The following ESPN variants were observed in gnomAD, a reference collection of about 807,000 sequenced individuals.
ESPN encodes autosomal recessive deafness type 36 protein.
ESPN carries 68 observed loss-of-function variants against 77.7 expected under a neutral mutation model. The ratio of observed to expected loss-of-function variants is 0.87; its 90% CI spans 0.72 to 1.07. ESPN has a LOEUF of 1.07. Among genes scored for constraint, ESPN ranks in the 50% least tolerant of loss-of-function variants. The pLI is 0.00. For missense variants in ESPN, 1,060 were observed against 1,239.0 expected, an observed-to-expected ratio of 0.86 and a Z score of 2.17; for synonymous variants, 449 against 567.1, an observed-to-expected ratio of 0.79 and a Z score of 2.96.
chr1:6,424,991 G>A lies in ESPN; in HGVS notation c.36G>A (p.Gln12=). ...AGCAGGCGCTGCAGGCGGCGCGGCA[G>A]GGCGAGCTGGACGTGCTGAGGTCGC... is the stretch of plus-strand genomic sequence containing the variant. ...ALEQALQAAR[Q]GELDVLRSLH... The change falls in exon 1 of 13, where the codon CAG becomes CAA. Residue 12 remains glutamine, a synonymous_variant. Transcript: ENST00000645284. 6.8e-7 allele frequency: 1 copy of A among 1,460,726 alleles called. No homozygotes were observed. 90.5% of individuals were successfully genotyped at this position (1,460,726 alleles called of 1,614,324 possible).
chr1:6,460,335 C>G lies in ESPN; in HGVS notation c.*189C>G. The G allele has an allele frequency of 1.5e-6, 1 of 685,478 alleles. No homozygotes were observed. The highest frequency in any genetic ancestry group is 2.4e-6 in the Non-Finnish European group (1 of 415,068). The allele number at this position is 685,478 out of a possible 1,614,324, so 42.5% of individuals were successfully genotyped here. ...GGCAACACTGGAGTGCACACGCCGC[C>G]ACGGTTGCCCAGAAAAAGTGCCCAA... is the stretch of plus-strand genomic sequence containing the variant. On this transcript the variant is annotated 3_prime_UTR_variant, in exon 13 of 13. Transcript: ENST00000645284.
At chr1:6,433,922 T>C (rs1030664155) in intron 2 of ESPN, among the ~76,000 whole-genome samples, 4 of 152,158 alleles carry the variant, frequency 2.6e-5, no homozygotes, top group Admixed American at 1.3e-4. Context: ...CCCTTTTTCT[T>C]TGAGACTTGA....
In ESPN at chr1:6,440,713, G is replaced by C; in HGVS notation, c.763G>C (p.Val255Leu). The part of the protein sequence containing the change: ...HFAASRGHTK[V>L]LSWLLLHGGE... ...CGCGGCGAGCCGCGGCCACACCAAG[G>C]TGCTCAGCTGGCTGCTGCTGCACGG... The change falls in exon 4 of 13, where the codon GTG (valine) becomes CTG (leucine). Residue 255 changes from valine to leucine, a missense_variant. Physicochemically the swap from Val to Leu is conservative, Grantham distance 32. Transcript: ENST00000645284. The C allele has an allele frequency of 6.5e-7, 1 of 1,547,162 alleles. No individual in the cohort carries two copies. Among genetic ancestry groups the C allele is most frequent in the Non-Finnish European group, 8.7e-7 (1 of 1,155,516 alleles).
Position 6,460,063 on chromosome 1 carries a change from C to T in ESPN, c.2482C>T (p.Arg828Trp), listed in dbSNP as rs755403652. ...RREKEQSEKL[R>W]TLGYDESKLA... ...GGAGAAGGAACAGTCAGAGAAGCTG[C>T]GGACGCTGGGCTACGATGAGAGCAA... The change falls in exon 13 of 13, where the codon CGG becomes TGG. Residue 828 changes from arginine to tryptophan, a missense_variant. Around this residue, in one of 3 missense-constraint regions of ESPN, gnomAD observed 374 missense variants for 381.4 expected, o/e 0.98. Transcript: ENST00000645284. The T allele has an allele frequency of 1.9e-6, 3 of 1,613,414 alleles. No homozygotes were observed. Among genetic ancestry groups the T allele is most frequent in the Admixed American group, 1.7e-5 (1 of 60,002 alleles).
Position 6,460,339 on chromosome 1 carries a change from G to A in ESPN, c.*193G>A. The stretch of plus-strand genomic sequence containing the variant: ...ACACTGGAGTGCACACGCCGCCACG[G>A]TTGCCCAGAAAAAGTGCCCAAGCTG... On this transcript the variant is annotated 3_prime_UTR_variant, in exon 13 of 13. Transcript: ENST00000645284. The A allele has an allele frequency of 1.5e-6, 1 of 676,526 alleles. No individual in the cohort carries two copies. The highest frequency in any genetic ancestry group is 2.1e-5 in the South Asian group (1 of 47,170). 41.9% of individuals were successfully genotyped at this position (676,526 alleles called of 1,614,324 possible).
In ESPN at chr1:6,445,884, G is replaced by T; in HGVS notation, c.1413G>T (p.Met471Ile). ...GACCACAGGCAGCTGACATCTACAT[G>T]CAGACCAAGAACAAACTCCGCCACG... ...PVGPQAADIY[M>I]QTKNKLRHVE... The change falls in exon 7 of 13, where the codon ATG (methionine) becomes ATT (isoleucine). Residue 471 changes from methionine (M) to isoleucine (I), a missense_variant. Met to Ile is a conservative substitution (Grantham distance 10). Around this residue, in one of 3 missense-constraint regions of ESPN, gnomAD observed 130 missense variants for 223.9 expected, o/e 0.58. Coordinates refer to ENST00000645284, the MANE Select transcript of ESPN (RefSeq NM_031475.3). The T allele has an allele frequency of 1.9e-6, 3 of 1,611,750 alleles. No homozygotes were observed. The highest frequency in any genetic ancestry group is 2.5e-6 in the Non-Finnish European group (3 of 1,179,580).
intron 2 of ESPN, among the ~76,000 whole-genome samples, chr1:6,433,137 A>AGAAAAC (rs1343487853): frequency 1.6e-4 from 23 of 143,978 alleles, no homozygotes; most frequent in Admixed American, 1.5e-3. Context: ...AAAAGAAAAA[A>AGAAAAC]GAAAAGAAAA....
intron 2 of ESPN, among the ~76,000 whole-genome samples, chr1:6,438,375 A>T (rs939640173): frequency 6.6e-5 from 10 of 152,252 alleles, no homozygotes; most frequent in African/African-American, 1.9e-4. Flanking sequence ...CTTCTCAGGC[A>T]CTCTGCACAA....
chr1:6,428,443 TCC>T lies in ESPN; in HGVS notation c.488+25_488+26del. On this transcript the variant is annotated intron_variant, in intron 2 of 12. Transcript: ENST00000645284. The surrounding 1 kb of genome is among the most constrained non-coding windows in gnomAD (Gnocchi z 5.4). ...GAGTAAGATCACCCCTCTTAAGGGG[TCC>T]TCTGGGTGGGCTGGGCCAGGGCTTT... 6.3e-7 allele frequency: 1 copy of T among 1,587,648 alleles called. No individual in the cohort carries two copies. The highest frequency in any genetic ancestry group is 8.6e-7 in the Non-Finnish European group (1 of 1,162,932).
At chr1:6,434,075 GTAT>G (rs1308217504) in intron 2 of ESPN, among the ~76,000 whole-genome samples, 1 of 152,164 alleles carries the variant, frequency 6.6e-6, no homozygotes, top group Non-Finnish European at 1.5e-5. Context: ...GCTAATTTTT[GTAT>G]TATTAGTAGA....
chr1:6,439,238 AC>A (rs1643536177), intron 2 of ESPN, among the ~76,000 whole-genome samples: 1 of 152,126 alleles, frequency 6.6e-6, no homozygotes, highest in East Asian at 1.9e-4. Flanking sequence ...CAACAACCAA[AC>A]CCAGGACGTT....
At chr1:6,449,203 A>G (rs878904582) in intron 8 of ESPN, 112 bp downstream of exon 8, 3 of 1,125,254 alleles carry the variant, frequency 2.7e-6, no homozygotes, top group East Asian at 3.3e-5. Flanking sequence ...CCTCTTCTAC[A>G]TGGTCTTCCG....
intron 1 of ESPN, 122 bp downstream of exon 1, chr1:6,425,371 G>T: frequency 8.0e-7 from 1 of 1,246,152 alleles, no homozygotes; most frequent in Non-Finnish European, 1.1e-6. Flanking sequence ...GCTGAACCCT[G>T]CACGGAGCTC....
rs1643926628 is a variant in ESPN at position 6,450,561 on chromosome 1, T to TGAG, written c.1916-1039_1916-1037dup. 1.5e-6 allele frequency: 1 copy of TGAG among 659,210 alleles called. No homozygotes were observed. The highest frequency in any genetic ancestry group is 2.0e-5 in the African/African-American group (1 of 50,462). The allele number at this position is 659,210 out of a possible 1,614,324, so 40.8% of individuals were successfully genotyped here. A position where few individuals can be genotyped will look rare whatever the true frequency, so the allele number is the denominator to read the frequency against. On this transcript the variant is annotated intron_variant, in intron 8 of 12. Coordinates refer to ENST00000645284, the MANE Select transcript of ESPN (RefSeq NM_031475.3). The surrounding 1 kb of genome is among the most constrained non-coding windows in gnomAD (Gnocchi z 4.3). ...AAGCAAGGCAGAAGGGGCCCAGACT[T>TGAG]GAGGAAAGGGCAGGGGCAGGGGCTG...
intron 6 of ESPN, among the ~76,000 whole-genome samples, chr1:6,445,216 C>T (rs918504611): frequency 7.9e-5 from 12 of 152,250 alleles, no homozygotes; most frequent in South Asian, 2.1e-4. Context: ...ACGATCGCCT[C>T]GGCAGACTGC....
rs997775277 is a variant in ESPN at position 6,424,804 on chromosome 1, G to T, written c.-152G>T. The T allele has an allele frequency of 2.0e-4, 156 of 775,066 alleles. No individual in the cohort carries two copies. Among genetic ancestry groups the T allele is most frequent in the South Asian group, 5.2e-4 (10 of 19,176 alleles). The allele number at this position is 775,066 out of a possible 1,614,324, so 48.0% of individuals were successfully genotyped here. On this transcript the variant is annotated 5_prime_UTR_variant, in exon 1 of 13. Coordinates refer to ENST00000645284, the MANE Select transcript of ESPN (RefSeq NM_031475.3). ...GCGCGGCGGAGCGGAGCGCCAGGCA[G>T]CGCGGAGCGGAGGCCAGGCCCACAG...
chr1:6,455,799 G>C (rs1644045019), intron 10 of ESPN: 2 of 398,846 alleles, frequency 5.0e-6, no homozygotes, highest in South Asian at 2.5e-4. Flanking sequence ...GGAGGAGGTG[G>C]AGGCCGGCCG....
At chr1:6,431,628 C>CAAAAAAAAAAAAAAAAAAAAAAAA (rs760363517) in intron 2 of ESPN, among the ~76,000 whole-genome samples, 1 of 61,786 alleles carries the variant, frequency 1.6e-5, no homozygotes, top group African/African-American at 4.8e-5. Flanking sequence ...AAGATTCTGT[C>CAAAAAAAAAAAAAAAAAAAAAAAA]AAAAAAAAAA....
chr1:6,431,439 T>C (rs1373150523), intron 2 of ESPN, among the ~76,000 whole-genome samples: 1 of 151,620 alleles, frequency 6.6e-6, no homozygotes, highest in Admixed American at 6.6e-5. Flanking sequence ...TGAAACCCCG[T>C]CTCTACCAAA....
Sources: gnomAD v4.1 joint callset for allele counts (sites outside exome capture counted in the v4.1 genomes callset) on GRCh38, gnomAD v4.1.1 for gene constraint, gnomAD v4.1.1 regional missense constraint, Gnocchi (gnomAD v3.1) non-coding constraint, MANE v1.5 for transcripts, NCBI Gene and HGNC (gene_info 2026-07-23, HGNC 2026-07-21) for gene names.